The following CPNE4 variants were observed in gnomAD, a reference collection of about 807,000 sequenced individuals.
The protein encoded by CPNE4 is copine-4.
CPNE4 carries 25 observed loss-of-function variants against 67.9 expected under a neutral mutation model. The ratio of observed to expected loss-of-function variants is 0.37; its 90% CI spans 0.27 to 0.51. The LOEUF (loss-of-function observed/expected upper bound fraction) is 0.51. Ranked by LOEUF, CPNE4 falls within the 20% of genes least tolerant of loss-of-function variation. The pLI is 0.93. For missense variants in CPNE4, 464 were observed against 690.8 expected, an observed-to-expected ratio of 0.67 and a Z score of 3.68; for synonymous variants, 242 against 244.9, an observed-to-expected ratio of 0.99 and a Z score of 0.11.
chr3:131,786,280 G>T (rs150924050), intron 2 of CPNE4, among the ~76,000 whole-genome samples: 86 of 151,824 alleles, frequency 5.7e-4, no homozygotes, highest in African/African-American at 1.9e-3. Flanking sequence ...GTATTTCTTT[G>T]TGTTTGGAAG....
intron 7 of CPNE4, among the ~76,000 whole-genome samples, chr3:131,634,699 G>A (rs138855080): frequency 6.6e-6 from 1 of 152,232 alleles, no homozygotes; most frequent in South Asian, 2.1e-4. Flanking sequence ...GAGAGGATAA[G>A]AAGGTAAAAA....
chr3:131,623,395 T>TA (rs1476660052), intron 7 of CPNE4, among the ~76,000 whole-genome samples: 2 of 152,028 alleles, frequency 1.3e-5, no homozygotes, highest in Non-Finnish European at 2.9e-5. Flanking sequence ...TCCTCAAAAA[T>TA]AAAAAAATCT....
intron 2 of CPNE4, among the ~76,000 whole-genome samples, chr3:131,742,556 C>T (rs1033892066): frequency 2.0e-5 from 3 of 152,100 alleles, no homozygotes; most frequent in Admixed American, 1.3e-4. Context: ...TATATGTAAA[C>T]ACCCTCATTG....
chr3:131,755,027 T>C (rs1015594333), intron 2 of CPNE4, among the ~76,000 whole-genome samples: 4 of 152,142 alleles, frequency 2.6e-5, no homozygotes, highest in Non-Finnish European at 5.9e-5. Flanking sequence ...TATGATAAAT[T>C]GTGTATGTCG....
chr3:131,658,260 G>A (rs951970632), intron 7 of CPNE4, among the ~76,000 whole-genome samples: 2 of 152,186 alleles, frequency 1.3e-5, no homozygotes, highest in African/African-American at 4.8e-5. Context: ...CAGCAAAGAA[G>A]CTGGAGACTA....
At chr3:131,802,638 AAGGCTGTAAAT>A (rs1234973620) in intron 2 of CPNE4, among the ~76,000 whole-genome samples, 2 of 152,196 alleles carry the variant, frequency 1.3e-5, no homozygotes, top group African/African-American at 4.8e-5. Context: ...TTCTCACAGC[AAGGCTGTAAAT>A]GACATCAAAA....
intron 1 of CPNE4, among the ~76,000 whole-genome samples, chr3:131,946,225 C>T (rs997312017): frequency 6.6e-6 from 1 of 152,130 alleles, no homozygotes; most frequent in African/African-American, 2.4e-5. Flanking sequence ...CATTCCATCT[C>T]TATGGATTTC....
intron 2 of CPNE4, among the ~76,000 whole-genome samples, chr3:131,804,463 CAT>C (rs1472168910): frequency 1.3e-5 from 2 of 152,174 alleles, no homozygotes; most frequent in Non-Finnish European, 2.9e-5. Context: ...GTTTTTACTT[CAT>C]ATCAGACTGC....
intron 1 of CPNE4, among the ~76,000 whole-genome samples, chr3:131,964,758 T>C (rs535028045): frequency 3.1e-4 from 47 of 152,202 alleles, no homozygotes; most frequent in Admixed American, 3.9e-4. Context: ...TTGGTGTATC[T>C]GAAAGTGATG....
intron 9 of CPNE4, among the ~76,000 whole-genome samples, chr3:131,580,093 A>C (rs982161729): frequency 6.6e-6 from 1 of 152,146 alleles, no homozygotes; most frequent in African/African-American, 2.4e-5. Flanking sequence ...AGCCACCCCA[A>C]CTTTCAGCAA....
At chr3:131,562,247 T>C (rs1192354051) in intron 11 of CPNE4, among the ~76,000 whole-genome samples, 1 of 152,032 alleles carries the variant, frequency 6.6e-6, no homozygotes, top group African/African-American at 2.4e-5. Flanking sequence ...ACTCTGACTA[T>C]AGTCTCTGCA....
intron 8 of CPNE4, 152 bp from the exon 9 acceptor site, chr3:131,581,817 G>T: frequency 1.6e-6 from 1 of 627,512 alleles, no homozygotes; most frequent in Non-Finnish European, 2.9e-6. Context: ...GGAGCAATAG[G>T]GGGAGTGGTT....
At chr3:131,738,293 G>A (rs1345027501) in intron 2 of CPNE4, among the ~76,000 whole-genome samples, 3 of 152,266 alleles carry the variant, frequency 2.0e-5, no homozygotes, top group East Asian at 3.8e-4. Flanking sequence ...GTGATAGTAA[G>A]AGCAGTTCTG....
chr3:131,967,050 G>T (rs1428960205), intron 1 of CPNE4, among the ~76,000 whole-genome samples: 1 of 152,166 alleles, frequency 6.6e-6, no homozygotes, highest in Non-Finnish European at 1.5e-5. Context: ...TCATCCCTGG[G>T]ATGCAAGGCT....
At chr3:131,864,948 G>A (rs2086868337) in intron 2 of CPNE4, among the ~76,000 whole-genome samples, 1 of 151,096 alleles carries the variant, frequency 6.6e-6, no homozygotes, top group African/African-American at 2.4e-5. Flanking sequence ...GGCCTTTTCT[G>A]CATCTATTGA....
chr3:131,565,370 A>G (rs188966556), intron 10 of CPNE4, among the ~76,000 whole-genome samples: 1 of 152,162 alleles, frequency 6.6e-6, no homozygotes. Flanking sequence ...ATTTTTTCAT[A>G]TGATCTTGGG....
At chr3:131,591,592 C>T (rs1267828012) in intron 7 of CPNE4, among the ~76,000 whole-genome samples, 1 of 152,164 alleles carries the variant, frequency 6.6e-6, no homozygotes, top group Admixed American at 6.6e-5. Flanking sequence ...TCAGGCTTGG[C>T]AGAACTCCAT....
intron 2 of CPNE4, among the ~76,000 whole-genome samples, chr3:131,845,153 A>G (rs1458478964): frequency 6.6e-6 from 1 of 152,224 alleles, no homozygotes; most frequent in East Asian, 1.9e-4. Flanking sequence ...TAAAAGCCTT[A>G]GAAAAATGAT....
intron 2 of CPNE4, among the ~76,000 whole-genome samples, chr3:131,867,530 G>GTCT (rs1248437580): frequency 6.6e-6 from 1 of 152,048 alleles, no homozygotes; most frequent in Non-Finnish European, 1.5e-5. Context: ...GCGGGTGGGG[G>GTCT]GTCTCCTTGA....
Sources: allele counts gnomAD v4.1 joint callset (sites outside exome capture counted in the v4.1 genomes callset), GRCh38; gene constraint gnomAD v4.1.1; transcripts MANE v1.5; gene names NCBI Gene and HGNC (gene_info 2026-07-23, HGNC 2026-07-21).